The following IQCM variants were observed in gnomAD, a reference collection of about 807,000 sequenced individuals.
The protein encoded by IQCM is IQ motif containing M, also known as IQ domain-containing protein M.
IQCM carries 45 observed loss-of-function variants against 57.6 expected under a neutral mutation model. The observed-to-expected ratio is 0.78, with a 90% CI of 0.62 to 1.00. IQCM has a LOEUF of 1.00. Ranked by LOEUF, IQCM falls within the 50% of genes least tolerant of loss-of-function variation. The probability of loss-of-function intolerance (pLI) is 0.00; values close to 1 mark genes in which losing one functional copy is unlikely to be tolerated. For synonymous variants in IQCM, 148 were observed against 158.9 expected (o/e 0.93, Z 0.51); for missense variants, 468 against 511.6 (o/e 0.91, Z 0.82).
intron 3 of IQCM, among the ~76,000 whole-genome samples, chr4:149,739,085 T>G (rs962844003): frequency 1.3e-5 from 2 of 152,178 alleles, no homozygotes; most frequent in African/African-American, 4.8e-5. Context: ...TCAAGTGCAC[T>G]TCACCTATTA....
At chr4:149,415,891 G>C (rs1733712289) in intron 13 of IQCM, among the ~76,000 whole-genome samples, 1 of 151,996 alleles carries the variant, frequency 6.6e-6, no homozygotes, top group Non-Finnish European at 1.5e-5. Context: ...ATCACACACT[G>C]GGGCCTGTCG....
At chr4:149,794,848 C>G (rs1430786202) in intron 2 of IQCM, among the ~76,000 whole-genome samples, 1 of 151,926 alleles carries the variant, frequency 6.6e-6, no homozygotes. Context: ...TTCAGAATAT[C>G]ATTTTTTAAA....
At chr4:149,674,600 T>G (rs982116733) in intron 7 of IQCM, among the ~76,000 whole-genome samples, 3 of 151,724 alleles carry the variant, frequency 2.0e-5, no homozygotes, top group African/African-American at 7.3e-5. Context: ...ATGAAAAGAG[T>G]GATGGATTGA....
At chr4:149,572,085 T>C (rs1454760837) in intron 9 of IQCM, among the ~76,000 whole-genome samples, 2 of 152,008 alleles carry the variant, frequency 1.3e-5, no homozygotes, top group Non-Finnish European at 2.9e-5. Flanking sequence ...CTCTCACTGA[T>C]ATATGATGAC....
At chr4:149,498,988 T>C (rs552094642) in intron 12 of IQCM, among the ~76,000 whole-genome samples, 3 of 152,222 alleles carry the variant, frequency 2.0e-5, no homozygotes, top group Admixed American at 6.5e-5. Context: ...AATCAAAAAA[T>C]AAACAAAAAT....
intron 8 of IQCM, among the ~76,000 whole-genome samples, chr4:149,617,067 T>C (rs984115820): frequency 6.6e-6 from 1 of 152,040 alleles, no homozygotes; most frequent in Admixed American, 6.6e-5. Context: ...GGTATTCTCC[T>C]GCCTCAGCCT....
At chr4:149,678,033 G>T (rs1761898078) in intron 7 of IQCM, among the ~76,000 whole-genome samples, 1 of 151,758 alleles carries the variant, frequency 6.6e-6, no homozygotes, top group Non-Finnish European at 1.5e-5. Context: ...AAAAGATATA[G>T]AAAATTACCT....
chr4:149,369,391 C>T (rs1365213333), intron 13 of IQCM, among the ~76,000 whole-genome samples: 1 of 151,800 alleles, frequency 6.6e-6, no homozygotes, highest in South Asian at 2.1e-4. Flanking sequence ...ATATTCCAAA[C>T]AAATATATGA....
intron 2 of IQCM, among the ~76,000 whole-genome samples, chr4:149,799,344 A>G (rs745724206): frequency 4.9e-4 from 74 of 151,696 alleles, no homozygotes; most frequent in Non-Finnish European, 9.1e-4. Flanking sequence ...ACAGCAGAAA[A>G]GTACTAAAAG....
At position 149,423,231 on chromosome 4, in the gene IQCM, G is replaced by C. The variant is rs548923321; in HGVS notation, c.1390+10165C>G. ...CAGGAAACTTACAACTGGTGGAAGG[G>C]GAAGCAGGCACCTTCTTCACAAGGC... On this transcript the variant is annotated intron_variant, in intron 13 of 13. Transcript: ENST00000636793. Among the ~76,000 whole-genome samples, 21 of 152,090 alleles carry C rather than the reference G, an allele frequency of 1.4e-4. No individual in the cohort carries two copies. The South Asian group carries it at 3.5e-3, about 26-fold the overall frequency.
Position 149,547,822 on chromosome 4 carries a change from A to G in IQCM, c.1228+633T>C, listed in dbSNP as rs1748613938. Among the ~76,000 whole-genome samples the G allele has an allele frequency of 2.0e-5, 3 of 152,188 alleles. No homozygotes were observed. The South Asian group carries it at 6.2e-4, about 32-fold the overall frequency. On this transcript the variant is annotated intron_variant, in intron 12 of 13. Transcript: ENST00000636793. ...ATTATACTTTGACAAAGCTGGGGAA[A>G]AAAGAAAGAAAAGCTGAAAAGAATC...
chr4:149,665,402 T>C (rs1760626061), intron 7 of IQCM, among the ~76,000 whole-genome samples: 1 of 152,104 alleles, frequency 6.6e-6, no homozygotes, highest in African/African-American at 2.4e-5. Context: ...CTTCCTTGAC[T>C]CTGAGCCTGT....
chr4:149,399,581 T>G (rs1560803937), intron 13 of IQCM, among the ~76,000 whole-genome samples: 1 of 152,094 alleles, frequency 6.6e-6, no homozygotes, highest in Non-Finnish European at 1.5e-5. Context: ...TGTAATTACA[T>G]TTTTTAAAAG....
intron 12 of IQCM, among the ~76,000 whole-genome samples, chr4:149,440,465 A>T (rs1735829708): frequency 6.6e-6 from 1 of 152,116 alleles, no homozygotes; most frequent in Non-Finnish European, 1.5e-5. Flanking sequence ...TTACACAGTT[A>T]AATATTTTAA....
intron 5 of IQCM, among the ~76,000 whole-genome samples, chr4:149,722,816 T>C (rs987460951): frequency 1.3e-5 from 2 of 151,976 alleles, no homozygotes; most frequent in Admixed American, 6.6e-5. Context: ...TTTTCTCTAA[T>C]TCTGTGGGAA....
chr4:149,637,951 G>C (rs987407490), intron 7 of IQCM, among the ~76,000 whole-genome samples: 1 of 152,032 alleles, frequency 6.6e-6, no homozygotes, highest in Non-Finnish European at 1.5e-5. Flanking sequence ...TGGAAAAATT[G>C]GACTTAATCA....
intron 7 of IQCM, among the ~76,000 whole-genome samples, chr4:149,647,960 C>T (rs1259432966): frequency 6.6e-6 from 1 of 152,118 alleles, no homozygotes; most frequent in Admixed American, 6.6e-5. Context: ...CTCTGTGTTG[C>T]ATTCTGGATA....
At chr4:149,529,703 C>T (rs1385043751) in intron 12 of IQCM, among the ~76,000 whole-genome samples, 1 of 152,156 alleles carries the variant, frequency 6.6e-6, no homozygotes, top group Non-Finnish European at 1.5e-5. Context: ...CCATCATTCT[C>T]ATCATACCCT....
At chr4:149,369,020 A>G (rs1208334780) in intron 13 of IQCM, among the ~76,000 whole-genome samples, 1 of 90,426 alleles carries the variant, frequency 1.1e-5, no homozygotes, top group Non-Finnish European at 2.2e-5. Context: ...ACGTGTATAT[A>G]TATATATATA....
Sources: allele counts gnomAD v4.1 joint callset (sites outside exome capture counted in the v4.1 genomes callset), GRCh38; gene constraint gnomAD v4.1.1; transcripts MANE v1.5; gene names NCBI Gene and HGNC (gene_info 2026-07-23, HGNC 2026-07-21).